The following FAM234A variants were observed in gnomAD, a reference collection of about 807,000 sequenced individuals.
The protein encoded by FAM234A is family with sequence similarity 234 member A.
Under a neutral mutation model 49.1 loss-of-function variants are expected in FAM234A, and 42 were observed. That is an observed-to-expected ratio of 0.86 (90% CI 0.67 to 1.11). The LOEUF is 1.11. Among genes scored for constraint, FAM234A ranks in the 50% least tolerant of loss-of-function variants. The pLI, the probability that FAM234A is intolerant of heterozygous loss-of-function variation, is 0.00. For synonymous variants in FAM234A, 369 were observed against 316.2 expected, an observed-to-expected ratio of 1.17 and a Z score of -1.77; for missense variants, 815 against 745.2, an observed-to-expected ratio of 1.09 and a Z score of -1.09.
At position 259,579 on chromosome 16, in the gene FAM234A, G is replaced by C; in HGVS notation, c.365G>C (p.Ser122Thr). ...YKNTNSSNNF[S>T]RSCVDEGFSS... ...AACACCAACAGCAGCAACAATTTCA[G>C]CCGATCCTGTGTGGACGAAGGTAAT... is the stretch of plus-strand genomic sequence containing the variant. The change falls in exon 4 of 13, where the codon AGC becomes ACC. Residue 122 changes from serine to threonine, a missense_variant. Transcript: ENST00000399932. 1.9e-6 allele frequency: 3 copies of C among 1,606,730 alleles called. No individual in the cohort carries two copies. The highest frequency in any genetic ancestry group is 2.6e-6 in the Non-Finnish European group (3 of 1,173,236).
chr16:241,178 G>A (rs148147672), intron 1 of FAM234A, among the ~76,000 whole-genome samples: 22 of 152,010 alleles, frequency 1.4e-4, no homozygotes, highest in African/African-American at 5.3e-4. Context: ...GCCTCCTGCT[G>A]TAGCCTCCCG....
chr16:268,630 C>T, downstream of FAM234A: 1 of 732,860 alleles, frequency 1.4e-6, no homozygotes, highest in Non-Finnish European at 2.3e-6. Context: ...GGGGGGGAGG[C>T]CGCGGCCTCG....
chr16:252,958 C>A (rs1312905529), intron 2 of FAM234A, among the ~76,000 whole-genome samples: 2 of 152,182 alleles, frequency 1.3e-5, no homozygotes, highest in Non-Finnish European at 1.5e-5. Flanking sequence ...TACCTCAAAT[C>A]TGCATGATCA....
chr16:265,570 C>T lies in FAM234A; in HGVS notation c.*548C>T. 1 of 985,902 alleles carries T rather than the reference C, an allele frequency of 1.0e-6. No individual in the cohort carries two copies. The highest frequency in any genetic ancestry group is 1.2e-6 in the Non-Finnish European group (1 of 830,290). The allele number at this position is 985,902 out of a possible 1,614,324, so 61.1% of individuals were successfully genotyped here. A position where few individuals can be genotyped will look rare whatever the true frequency, so the allele number is the denominator to read the frequency against. ...ACCTGAGACAGCTCCAGCTTCGCAG[C>T]CCTTCCCGGAGCTACAGGGGGATCC... On this transcript the variant is annotated 3_prime_UTR_variant, in exon 13 of 13. Transcript: ENST00000399932.
chr16:268,047 C>T (rs1311103511), downstream of FAM234A, among the ~76,000 whole-genome samples: 1 of 148,014 alleles, frequency 6.8e-6, no homozygotes, highest in Non-Finnish European at 1.5e-5. Context: ...CACCTGCACA[C>T]GGGTGCTACA....
At chr16:248,185 G>A (rs1019920609) in intron 1 of FAM234A, 6 of 152,184 alleles carry the variant, frequency 3.9e-5, no homozygotes, top group South Asian at 2.1e-4. Context: ...ATCCCCAACC[G>A]TGTTACTAAT....
At chr16:260,404 AACAC>A (rs941788415) in intron 5 of FAM234A, 1 of 573,624 alleles carries the variant, frequency 1.7e-6, no homozygotes, top group Non-Finnish European at 3.2e-6. Context: ...GGTGGGCTGT[AACAC>A]ACAGGGGCAG....
Position 254,611 on chromosome 16 carries a change from C to G in FAM234A, c.198C>G (p.Val66=), listed in dbSNP as rs1257956335. ...TCTGCCTTTTTGTGGTGTTCGTCGTCTCATTCGTCATCCCGTGTCCAGACC... is the reference window on the plus strand; with the variant it reads ...TCTGCCTTTTTGTGGTGTTCGTCGTGTCATTCGTCATCCCGTGTCCAGACC... ...LFLCLFVVFV[V]SFVIPCPDRP... The change falls in exon 3 of 13, where the codon GTC becomes GTG. Residue 66 remains valine (V), a synonymous_variant. Transcript: ENST00000399932. 1 of 1,608,870 alleles carries G rather than the reference C, an allele frequency of 6.2e-7. No homozygotes were observed. The highest frequency in any genetic ancestry group is 2.2e-5 in the East Asian group (1 of 44,538).
rs1264622406 is a variant in FAM234A, at chr16:254,625, C to T, written c.212C>T (p.Pro71Leu). ...GTGTTCGTCGTCTCATTCGTCATCC[C>T]GTGTCCAGACCGGCCGGCGTCACAG... Reference protein sequence around the residue: ...FVVFVVSFVIPCPDRPASQRM... With the variant: ...FVVFVVSFVILCPDRPASQRM... Residue 71 changes from proline (P) to leucine (L), a missense_variant, in exon 3 of 13, where the codon CCG becomes CTG. Transcript: ENST00000399932. The T allele has an allele frequency of 9.9e-6, 16 of 1,613,972 alleles. No individual in the cohort carries two copies. The East Asian group carries it at 3.1e-4, about 31-fold the overall frequency.
downstream of FAM234A, chr16:269,921 TA>T (rs59094788): frequency 8.1e-6 from 2 of 245,436 alleles, no homozygotes; most frequent in Non-Finnish European, 1.6e-5. Flanking sequence ...TGGAGTCAAA[TA>T]AAAAAACAAG....
chr16:265,485 C>A lies in FAM234A; in HGVS notation c.*463C>A. The A allele has an allele frequency of 1.0e-6, 1 of 991,838 alleles. No homozygotes were observed. Among genetic ancestry groups the A allele is most frequent in the Non-Finnish European group, 1.2e-6 (1 of 834,248 alleles). The allele number at this position is 991,838 out of a possible 1,614,324, so 61.4% of individuals were successfully genotyped here. ...TCCTGTAGAAGTCCATTCCCCTTTTCCCTCCTGTGCTCTGTCCCCCAAGGA... is the reference window on the plus strand; with the variant it reads ...TCCTGTAGAAGTCCATTCCCCTTTTACCTCCTGTGCTCTGTCCCCCAAGGA... On this transcript the variant is annotated 3_prime_UTR_variant, in exon 13 of 13. Transcript: ENST00000399932.
rs1316920400 is a variant in FAM234A, at chr16:264,910, T to C, written c.1547T>C (p.Val516Ala). The C allele has an allele frequency of 6.2e-7, 1 of 1,612,890 alleles. No homozygotes were observed. The highest frequency in any genetic ancestry group is 1.3e-5 in the African/African-American group (1 of 74,926). The change falls in exon 13 of 13, where the codon GTG (valine) becomes GCG (alanine). Residue 516 changes from valine (V) to alanine (A), a missense_variant. Physicochemically the swap from Val to Ala is moderately conservative, Grantham distance 64. Transcript: ENST00000399932. ...PGLVSVIKHKVRDLVPSSRVV... is the reference protein window; with the variant it reads ...PGLVSVIKHKARDLVPSSRVV... ...CTGGTCTCTGTGATCAAGCACAAGG[T>C]GCGGGACCTTGTCCCAAGCAGCAGG...
At chr16:260,456 G>A (rs2051415359) in intron 5 of FAM234A, 3 of 508,522 alleles carry the variant, frequency 5.9e-6, no homozygotes, top group Non-Finnish European at 7.6e-6. Flanking sequence ...GAGAGGAGGA[G>A]CGGCTTGGCC....
At chr16:244,275 G>A (rs1211340603) in intron 1 of FAM234A, among the ~76,000 whole-genome samples, 1 of 152,176 alleles carries the variant, frequency 6.6e-6, no homozygotes, top group African/African-American at 2.4e-5. Flanking sequence ...GTCGGAAAAT[G>A]ATTTTAATGG....
At chr16:260,551 C>A (rs112077196) in intron 5 of FAM234A, 4 of 479,696 alleles carry the variant, frequency 8.3e-6, no homozygotes, top group Non-Finnish European at 1.7e-5. Context: ...CAGGGGAGAT[C>A]GGGGCCTGTC....
In FAM234A at chr16:264,638, C is replaced by G; in HGVS notation, c.1369C>G (p.Leu457Val). Reference sequence around the variant, plus strand: ...GGAGACCGGGGAGGCCCGGCACAGCCTGTACATGTTCCACCCCACCCTGCC... The same window carrying G: ...GGAGACCGGGGAGGCCCGGCACAGCGTGTACATGTTCCACCCCACCCTGCC... The part of the protein sequence containing the change: ...ETETGEARHS[L>V]YMFHPTLPRV... Residue 457 changes from leucine to valine, a missense_variant, in exon 12 of 13, where the codon CTG becomes GTG. Coordinates refer to ENST00000399932, the MANE Select transcript of FAM234A (RefSeq NM_032039.4). The G allele has an allele frequency of 6.2e-7, 1 of 1,611,578 alleles. No individual in the cohort carries two copies. Among genetic ancestry groups the G allele is most frequent in the Admixed American group, 1.7e-5 (1 of 60,028 alleles).
chr16:264,353 C>T (rs1036583090), intron 11 of FAM234A, among the ~76,000 whole-genome samples, 182 bp downstream of exon 11: 3 of 152,180 alleles, frequency 2.0e-5, no homozygotes, highest in Non-Finnish European at 2.9e-5. Flanking sequence ...AGGGGTCCAG[C>T]GAGAAGGGGC....
chr16:248,752 T>C (rs2141238875), intron 1 of FAM234A, among the ~76,000 whole-genome samples: 1 of 151,804 alleles, frequency 6.6e-6, no homozygotes, highest in African/African-American at 2.4e-5. Context: ...TCCTGAGTAG[T>C]TGGGACTATA....
At chr16:254,258 C>T (rs1035497286) in intron 2 of FAM234A, 123 bp from the exon 3 acceptor site, 1 of 725,938 alleles carries the variant, frequency 1.4e-6, no homozygotes, top group South Asian at 1.7e-5. Context: ...ATTTCCTGGG[C>T]TGGTGGCCCA....
Sources: allele counts gnomAD v4.1 joint callset (sites outside exome capture counted in the v4.1 genomes callset), GRCh38; gene constraint gnomAD v4.1.1; transcripts MANE v1.5; gene names NCBI Gene and HGNC (gene_info 2026-07-23, HGNC 2026-07-21).